FAM117B: variants seen among roughly 807,000 people sequenced by gnomAD.
The protein encoded by FAM117B is family with sequence similarity 117 member B.
A neutral mutation model predicts 52.8 loss-of-function variants in FAM117B; 22 were observed. That is an observed-to-expected ratio of 0.42 (90% confidence interval 0.30 to 0.59). The LOEUF is 0.59. FAM117B is among the 20% of genes least tolerant of loss of function. FAM117B has a pLI of 0.22. For synonymous variants in FAM117B, 309 were observed against 324.1 expected (o/e 0.95, Z 0.50); for missense variants, 678 against 802.6 (o/e 0.84, Z 1.88).
At chr2:202,739,976 A>G (rs1049867021) in intron 4 of FAM117B, among the ~76,000 whole-genome samples, 6 of 151,810 alleles carry the variant, frequency 4.0e-5, no homozygotes, top group African/African-American at 1.5e-4. Context: ...GTTTGAGACC[A>G]TCCTGGCTAA....
intron 1 of FAM117B, among the ~76,000 whole-genome samples, chr2:202,636,141 G>C (rs1212963982): frequency 6.6e-6 from 1 of 152,226 alleles, no homozygotes; most frequent in Non-Finnish European, 1.5e-5. Context: ...CCTCCCTTGA[G>C]GGTGAGGCTA....
intron 4 of FAM117B, among the ~76,000 whole-genome samples, chr2:202,730,460 A>G (rs1691322934): frequency 6.6e-6 from 1 of 152,164 alleles, no homozygotes; most frequent in Admixed American, 6.5e-5. Flanking sequence ...GCTTTAGCCC[A>G]GGAGTTCAAG....
intron 2 of FAM117B, among the ~76,000 whole-genome samples, chr2:202,702,970 A>G (rs1257908796): frequency 6.6e-6 from 1 of 152,222 alleles, no homozygotes; most frequent in Non-Finnish European, 1.5e-5. Flanking sequence ...GCACTGGGAA[A>G]CCAAAGAAAT....
Position 202,759,218 on chromosome 2 carries a change from T to G in FAM117B, c.1331-15T>G, listed in dbSNP as rs1691845329. On this transcript the variant is annotated splice_polypyrimidine_tract_variant and intron_variant, in intron 6 of 7. Coordinates refer to ENST00000392238, the MANE Select transcript of FAM117B (RefSeq NM_173511.4). ...TATACATTTATGTAGTAATCTAATGTGTCATTTCTTGCAGAGAATGGGAAC... is the reference window on the plus strand; with the variant it reads ...TATACATTTATGTAGTAATCTAATGGGTCATTTCTTGCAGAGAATGGGAAC... The G allele has an allele frequency of 6.2e-7, 1 of 1,613,526 alleles. No individual in the cohort carries two copies. Among genetic ancestry groups the G allele is most frequent in the African/African-American group, 1.3e-5 (1 of 75,010 alleles).
intron 2 of FAM117B, among the ~76,000 whole-genome samples, chr2:202,701,536 G>T (rs1403966909): frequency 6.6e-6 from 1 of 152,170 alleles, no homozygotes; most frequent in Non-Finnish European, 1.5e-5. Flanking sequence ...TCCTCTGATG[G>T]ATCTGGGCAA....
At chr2:202,637,706 A>C (rs753602992) in intron 1 of FAM117B, among the ~76,000 whole-genome samples, 41 of 152,110 alleles carry the variant, frequency 2.7e-4, no homozygotes, top group Admixed American at 4.6e-4. Context: ...TATAGCTTTT[A>C]GAGAGGTTAA....
Position 202,687,948 on chromosome 2 carries a change from CT to C in FAM117B, c.602-7932del, listed in dbSNP as rs537718855. ...TTTGAAAACTTAGTGGAGAAATTAA[CT>C]GAAAAAGAAACATGGAAATAACTGG... On this transcript the variant is annotated intron_variant, in intron 1 of 7. Coordinates refer to ENST00000392238, the MANE Select transcript of FAM117B (RefSeq NM_173511.4). Among the ~76,000 whole-genome samples, 580 of 151,932 alleles carry C rather than the reference CT, an allele frequency of 3.8e-3. 2 individuals carry two copies. The highest frequency in any genetic ancestry group is 6.3e-3 in the Non-Finnish European group (427 of 67,940).
chr2:202,657,977 C>T (rs1690077374), intron 1 of FAM117B, among the ~76,000 whole-genome samples: 2 of 152,250 alleles, frequency 1.3e-5, no homozygotes, highest in African/African-American at 4.8e-5. Context: ...TTTACTGCTT[C>T]AGGTGAAATG....
rs769235990 is a variant in FAM117B, at chr2:202,762,942, A to G, written c.1452-2504A>G. The stretch of plus-strand genomic sequence containing the variant: ...TTCATGAAAGCAGCAAGGAAGTTAC[A>G]TGGTTTTTAGATTCCTGTCATTAAA... On this transcript the variant is annotated intron_variant, in intron 7 of 7. Coordinates refer to ENST00000392238, the MANE Select transcript of FAM117B (RefSeq NM_173511.4). 2.2e-4 allele frequency among the ~76,000 whole-genome samples: 34 copies of G among 152,142 alleles called. No homozygotes were observed. The Middle Eastern group carries it at 0.01, about 46-fold the overall frequency.
intron 2 of FAM117B, among the ~76,000 whole-genome samples, chr2:202,701,194 T>A (rs1690790400): frequency 6.6e-6 from 1 of 152,232 alleles, no homozygotes; most frequent in South Asian, 2.1e-4. Context: ...AGAATTATGC[T>A]AAATCTACTC....
chr2:202,707,911 G>T (rs1274382458), intron 2 of FAM117B, among the ~76,000 whole-genome samples: 1 of 151,812 alleles, frequency 6.6e-6, no homozygotes, highest in African/African-American at 2.4e-5. Context: ...GAGATTACAG[G>T]AGTGTGCCAG....
At chr2:202,682,147 C>T (rs1690471709) in intron 1 of FAM117B, among the ~76,000 whole-genome samples, 1 of 152,228 alleles carries the variant, frequency 6.6e-6, no homozygotes, top group Admixed American at 6.5e-5. Context: ...GAGCCACTTT[C>T]ATCGGCAATA....
intron 1 of FAM117B, among the ~76,000 whole-genome samples, chr2:202,687,432 T>C (rs1031749743): frequency 2.0e-5 from 3 of 152,100 alleles, no homozygotes; most frequent in Non-Finnish European, 4.4e-5. Context: ...TATTTAGAGA[T>C]AGGATGTTGC....
At chr2:202,653,977 T>A (rs1395845201) in intron 1 of FAM117B, among the ~76,000 whole-genome samples, 1 of 151,992 alleles carries the variant, frequency 6.6e-6, no homozygotes, top group East Asian at 1.9e-4. Context: ...TATAAGCGTT[T>A]GTCAGGACAG....
chr2:202,649,025 T>G (rs1285627666), intron 1 of FAM117B, among the ~76,000 whole-genome samples: 2 of 152,174 alleles, frequency 1.3e-5, no homozygotes, highest in African/African-American at 4.8e-5. Context: ...GTGCTGGGAT[T>G]ACAGGCATGA....
At chr2:202,727,062 C>CT (rs149760691) in intron 4 of FAM117B, among the ~76,000 whole-genome samples, 34,484 of 151,810 alleles carry the variant, frequency 0.23, 4,617 homozygotes, top group Middle Eastern at 0.31. Flanking sequence ...CCAAAGAACA[C>CT]TTTTTTTTAC....
chr2:202,740,249 A>G (rs1691511141), intron 4 of FAM117B, among the ~76,000 whole-genome samples: 1 of 143,928 alleles, frequency 6.9e-6, no homozygotes, highest in East Asian at 2.0e-4. Context: ...AATCCCAGCT[A>G]CTCGGGAGGG....
chr2:202,679,918 A>G (rs539012639), intron 1 of FAM117B, among the ~76,000 whole-genome samples: 40 of 152,350 alleles, frequency 2.6e-4, no homozygotes, highest in African/African-American at 7.5e-4. Flanking sequence ...ATTATATGAC[A>G]AAAATTTTTT....
At chr2:202,656,614 C>T (rs1192282665) in intron 1 of FAM117B, among the ~76,000 whole-genome samples, 1 of 151,870 alleles carries the variant, frequency 6.6e-6, no homozygotes, top group African/African-American at 2.4e-5. Flanking sequence ...GGTTTATGTC[C>T]CAGGATATGA....
Sources: allele counts gnomAD v4.1 joint callset (sites outside exome capture counted in the v4.1 genomes callset), GRCh38; gene constraint gnomAD v4.1.1; transcripts MANE v1.5; gene names NCBI Gene and HGNC (gene_info 2026-07-23, HGNC 2026-07-21).